Variants in CCSER1 observed in about 807,000 individuals in gnomAD.
CCSER1 encodes serine-rich coiled-coil domain-containing protein 1.
CCSER1 carries 41 observed loss-of-function variants against 82.0 expected under a neutral mutation model. That is an observed-to-expected ratio of 0.50 (90% CI 0.39 to 0.65). The LOEUF is 0.65. Among genes scored for constraint, CCSER1 ranks in the 30% least tolerant of loss-of-function variants. The probability of loss-of-function intolerance (pLI) is 0.00; values close to 1 mark genes in which losing one functional copy is unlikely to be tolerated. For synonymous variants in CCSER1, 414 were observed against 383.9 expected (o/e 1.08, Z -0.92); for missense variants, 1,119 against 1,064.2 (o/e 1.05, Z -0.72).
chr4:90,552,744 A>G (rs1777670949), intron 5 of CCSER1, among the ~76,000 whole-genome samples: 1 of 152,220 alleles, frequency 6.6e-6, no homozygotes, highest in Non-Finnish European at 1.5e-5. Context: ...GGCATGAGCC[A>G]CTGCGCACAG....
Position 91,389,540 on chromosome 4 carries a change from T to G in CCSER1, c.2218-209032T>G, listed in dbSNP as rs545403647. On this transcript the variant is annotated intron_variant, in intron 10 of 10. Transcript: ENST00000509176. ...TCTTCTAACTTTGTTTTTTTTCCCT[T>G]CAATATTGAGTTGGTTATTCTGGGT... 2.8e-3 allele frequency among the ~76,000 whole-genome samples: 428 copies of G among 152,138 alleles called. 3 individuals carry two copies. The highest frequency in any genetic ancestry group is 0.01 in the African/African-American group (418 of 41,542).
chr4:90,930,911 TA>T (rs1247015510), intron 9 of CCSER1, among the ~76,000 whole-genome samples: 154 of 16,766 alleles, frequency 9.2e-3, no homozygotes, highest in African/African-American at 0.019. Context: ...ATCCTTATTT[TA>T]TATATATATA....
At chr4:90,851,597 T>TC (rs1763903443) in intron 8 of CCSER1, among the ~76,000 whole-genome samples, 1 of 149,418 alleles carries the variant, frequency 6.7e-6, no homozygotes. Flanking sequence ...TTTTTCCTGA[T>TC]CCGACCTTTA....
intron 8 of CCSER1, among the ~76,000 whole-genome samples, chr4:90,921,723 C>T (rs2150244498): frequency 1.3e-5 from 2 of 151,984 alleles, no homozygotes; most frequent in East Asian, 1.9e-4. Context: ...AGCTATTTTC[C>T]CCTGCTCTAT....
At chr4:90,949,424 A>T (rs183323272) in intron 9 of CCSER1, among the ~76,000 whole-genome samples, 1 of 152,286 alleles carries the variant, frequency 6.6e-6, no homozygotes, top group African/African-American at 2.4e-5. Flanking sequence ...CTGCTAAAAA[A>T]AATCAGAACA....
At chr4:91,353,936 C>T (rs1401545050) in intron 10 of CCSER1, among the ~76,000 whole-genome samples, 1 of 152,158 alleles carries the variant, frequency 6.6e-6, no homozygotes, top group Non-Finnish European at 1.5e-5. Flanking sequence ...ATATCTTTAA[C>T]TATATTTTCA....
At chr4:90,845,703 A>G (rs908317846) in intron 8 of CCSER1, among the ~76,000 whole-genome samples, 2 of 152,042 alleles carry the variant, frequency 1.3e-5, no homozygotes, top group African/African-American at 4.8e-5. Context: ...TTTGTTAGTT[A>G]GTGCTTTTTT....
chr4:91,283,785 A>G (rs1743086883), intron 10 of CCSER1, among the ~76,000 whole-genome samples: 1 of 152,038 alleles, frequency 6.6e-6, no homozygotes, highest in Non-Finnish European at 1.5e-5. Context: ...TTGCTCCAAA[A>G]AAAAAAATTT....
intron 10 of CCSER1, among the ~76,000 whole-genome samples, chr4:91,211,929 T>C (rs540748202): frequency 2.6e-5 from 4 of 152,196 alleles, no homozygotes; most frequent in African/African-American, 9.6e-5. Flanking sequence ...GGAAGAAATA[T>C]ATAAAATGCC....
At chr4:90,183,204 G>C (rs943451920) in intron 1 of CCSER1, among the ~76,000 whole-genome samples, 15 of 152,026 alleles carry the variant, frequency 9.9e-5, no homozygotes, top group Non-Finnish European at 2.2e-4. Flanking sequence ...TTACAGAGTA[G>C]ATGAAATTTG....
chr4:91,300,747 A>G (rs553780997), intron 10 of CCSER1, among the ~76,000 whole-genome samples: 1 of 151,998 alleles, frequency 6.6e-6, no homozygotes, highest in East Asian at 1.9e-4. Flanking sequence ...AGTAAAGTTG[A>G]TTATTATGAG....
At chr4:90,871,071 TC>T (rs2150030515) in intron 8 of CCSER1, among the ~76,000 whole-genome samples, 1 of 142,482 alleles carries the variant, frequency 7.0e-6, no homozygotes, top group Non-Finnish European at 1.6e-5. Context: ...GGGTCTTCTC[TC>T]TTTTTTTCTT....
intron 7 of CCSER1, among the ~76,000 whole-genome samples, chr4:90,758,827 G>T (rs946581380): frequency 3.3e-5 from 5 of 152,164 alleles, no homozygotes; most frequent in African/African-American, 1.2e-4. Flanking sequence ...CAAAAATAGT[G>T]TAGTAGGATG....
At chr4:91,199,215 C>T (rs1021167860) in intron 10 of CCSER1, among the ~76,000 whole-genome samples, 3 of 152,036 alleles carry the variant, frequency 2.0e-5, no homozygotes, top group African/African-American at 4.8e-5. Context: ...AGCACAGAAA[C>T]TGAAAATGAA....
intron 5 of CCSER1, among the ~76,000 whole-genome samples, chr4:90,512,755 G>A (rs915158964): frequency 2.0e-5 from 3 of 151,996 alleles, no homozygotes; most frequent in Non-Finnish European, 1.5e-5. Flanking sequence ...TTTAGAATAT[G>A]TTTATCTATT....
chr4:90,164,096 C>T (rs1016592739), intron 1 of CCSER1, among the ~76,000 whole-genome samples: 3 of 152,106 alleles, frequency 2.0e-5, no homozygotes, highest in African/African-American at 7.2e-5. Flanking sequence ...CAGGCAACAG[C>T]AGGCTCCCTG....
At chr4:90,724,346 G>T (rs1174457739) in intron 7 of CCSER1, among the ~76,000 whole-genome samples, 1 of 151,798 alleles carries the variant, frequency 6.6e-6, no homozygotes, top group Admixed American at 6.6e-5. Context: ...TCATCTAGTG[G>T]TTAAATTTTC....
chr4:91,479,707 TTTTC>T (rs200849723), intron 10 of CCSER1, among the ~76,000 whole-genome samples: 70,326 of 144,076 alleles, frequency 0.49, 17,945 homozygotes, highest in East Asian at 0.85. Context: ...TTTTTCTTTT[TTTTC>T]TTTCTTTTTT....
At chr4:90,391,483 T>TATAC (rs1554021254) in intron 3 of CCSER1, among the ~76,000 whole-genome samples, 1,065 of 84,894 alleles carry the variant, frequency 0.013, 25 homozygotes, top group Non-Finnish European at 0.017. Flanking sequence ...TATATATATA[T>TATAC]ATACACACAC....
Sources: gnomAD v4.1 joint callset for allele counts (sites outside exome capture counted in the v4.1 genomes callset) on GRCh38, gnomAD v4.1.1 for gene constraint, MANE v1.5 for transcripts, NCBI Gene and HGNC (gene_info 2026-07-23, HGNC 2026-07-21) for gene names.